The following DNAJC17 variants were observed in gnomAD, a reference collection of about 807,000 sequenced individuals.
DNAJC17 encodes the protein dnaJ homolog subfamily C member 17.
DNAJC17 carries 35 observed loss-of-function variants against 48.1 expected under a neutral mutation model. The ratio of observed to expected loss-of-function variants is 0.73; its 90% CI spans 0.56 to 0.96. The LOEUF (loss-of-function observed/expected upper bound fraction) is 0.96, where lower values mean the gene tolerates loss of function less well. Ranked by LOEUF, DNAJC17 falls within the 50% of genes least tolerant of loss-of-function variation. The pLI, the probability that DNAJC17 is intolerant of heterozygous loss-of-function variation, is 0.00. For missense variants in DNAJC17, 355 were observed against 377.1 expected, an observed-to-expected ratio of 0.94 and a Z score of 0.48; for synonymous variants, 117 against 142.7, an observed-to-expected ratio of 0.82 and a Z score of 1.28.
intron 1 of DNAJC17, among the ~76,000 whole-genome samples, chr15:40,799,836 TTCTC>T (rs1316459859): frequency 6.6e-6 from 1 of 152,042 alleles, no homozygotes; most frequent in African/African-American, 2.4e-5. Context: ...CAACATTTAT[TTCTC>T]TCTCTCTCTT....
chr15:40,789,440 C>T (rs938896587), intron 1 of DNAJC17, among the ~76,000 whole-genome samples: 2 of 152,034 alleles, frequency 1.3e-5, no homozygotes, highest in African/African-American at 4.8e-5. Flanking sequence ...CCTCTTTCTC[C>T]TCCTCAGATA....
At chr15:40,791,585 C>T (rs1342155349) in intron 1 of DNAJC17, among the ~76,000 whole-genome samples, 1 of 152,024 alleles carries the variant, frequency 6.6e-6, no homozygotes, top group Non-Finnish European at 1.5e-5. Flanking sequence ...TGGCTCACAC[C>T]TGTAATCCCA....
intron 1 of DNAJC17, among the ~76,000 whole-genome samples, chr15:40,787,810 G>A (rs1019256957): frequency 4.6e-5 from 7 of 152,026 alleles, no homozygotes; most frequent in African/African-American, 1.7e-4. Flanking sequence ...AGGAACTCCT[G>A]ACTCACCCAA....
Position 40,779,293 on chromosome 15 carries a change from G to A in DNAJC17, c.225C>T (p.Val75=). 6 of 1,614,010 alleles carry A rather than the reference G, an allele frequency of 3.7e-6. No individual in the cohort carries two copies. Among genetic ancestry groups the A allele is most frequent in the Non-Finnish European group, 5.1e-6 (6 of 1,180,026 alleles). The change falls in exon 4 of 11, where the codon GTC becomes GTT. Residue 75 remains valine (V), a synonymous_variant. Coordinates refer to ENST00000220496, the MANE Select transcript of DNAJC17 (RefSeq NM_018163.3). The stretch of plus-strand genomic sequence containing the variant: ...CTGCTGCTTGCTTCTTGGCTTTCCT[G>A]ACCTTGTCATATGCAGCCTGGCAGG... ...DAAARAAYDK[V]RKAKKQAAER... is the part of the protein sequence containing the mutation.
intron 1 of DNAJC17, among the ~76,000 whole-genome samples, chr15:40,794,359 A>C (rs115609440): frequency 2.6e-5 from 4 of 151,936 alleles, no homozygotes; most frequent in Admixed American, 2.0e-4. Context: ...CAGAAAAAAA[A>C]ACAAAAACAA....
intron 2 of DNAJC17, 45 bp from the exon 3 acceptor site, chr15:40,779,648 C>T (rs765985346): frequency 1.9e-6 from 3 of 1,597,100 alleles, no homozygotes; most frequent in Admixed American, 1.7e-5. Flanking sequence ...AAAGTTAAGA[C>T]TTCGTAATGG....
In DNAJC17 at chr15:40,767,872, TAAAA is replaced by T. The variant is rs79217337; in HGVS notation, c.*64_*67del. 4.0e-6 allele frequency: 5 copies of T among 1,243,494 alleles called. No homozygotes were observed. Among genetic ancestry groups the T allele is most frequent in the Non-Finnish European group, 4.4e-6 (4 of 906,496 alleles). The allele number at this position is 1,243,494 out of a possible 1,614,324, so 77.0% of individuals were successfully genotyped here. ...TATGTATGGGATAGAGGTAAAATCT[TAAAA>T]AAAAAAAAAATTTATTGGTGACGTT... On this transcript the variant is annotated 3_prime_UTR_variant, in exon 11 of 11. Coordinates refer to ENST00000220496, the MANE Select transcript of DNAJC17 (RefSeq NM_018163.3).
intron 1 of DNAJC17, among the ~76,000 whole-genome samples, chr15:40,783,998 G>A (rs897489254): frequency 5.3e-5 from 8 of 151,700 alleles, no homozygotes; most frequent in East Asian, 3.9e-4. Context: ...AGGCTGAGGC[G>A]GGCGAATCAG....
At chr15:40,773,133 G>C (rs1889204597) in intron 10 of DNAJC17, among the ~76,000 whole-genome samples, 2 of 152,020 alleles carry the variant, frequency 1.3e-5, no homozygotes, top group Admixed American at 6.6e-5. Flanking sequence ...GCTGATTTTT[G>C]TGTTTTTGTA....
In DNAJC17 at chr15:40,767,707, T is replaced by TAG; in HGVS notation, c.*232_*233insCT. 1.6e-6 allele frequency: 1 copy of TAG among 636,096 alleles called. No homozygotes were observed. Among genetic ancestry groups the TAG allele is most frequent in the Non-Finnish European group, 2.6e-6 (1 of 384,616 alleles). 39.4% of individuals were successfully genotyped at this position (636,096 alleles called of 1,614,324 possible). A position where few individuals can be genotyped will look rare whatever the true frequency, so the allele number is the denominator to read the frequency against. The stretch of plus-strand genomic sequence containing the variant: ...CAAGCCAATAAAGGGCTGTGATGAG[T>TAG]GGCTGCGCCTGTGCTCTGCTTGTGC... On this transcript the variant is annotated 3_prime_UTR_variant, in exon 11 of 11. Coordinates refer to ENST00000220496, the MANE Select transcript of DNAJC17 (RefSeq NM_018163.3).
chr15:40,775,504 G>A (rs768751130), intron 7 of DNAJC17, 49 bp downstream of exon 7: 23 of 1,599,122 alleles, frequency 1.4e-5, no homozygotes, highest in Non-Finnish European at 2.0e-5. Flanking sequence ...TCCTGCTGAG[G>A]GGAGGCGGTG....
Position 40,788,147 on chromosome 15 carries a change from G to A in DNAJC17, c.79-8150C>T, listed in dbSNP as rs554449208. On this transcript the variant is annotated intron_variant, in intron 1 of 10. Coordinates refer to ENST00000220496, the MANE Select transcript of DNAJC17 (RefSeq NM_018163.3). Reference sequence around the variant, plus strand: ...GAGTGATAACAGCTGGGGCAGCCACGTCTCCCCAAGCCCGGAGAGGCAGAT... The same window carrying A: ...GAGTGATAACAGCTGGGGCAGCCACATCTCCCCAAGCCCGGAGAGGCAGAT... Among the ~76,000 whole-genome samples the A allele has an allele frequency of 3.3e-5, 5 of 152,300 alleles. No homozygotes were observed. The East Asian group carries it at 9.7e-4, about 29-fold the overall frequency.
At chr15:40,774,780 T>C (rs1017982421) in intron 8 of DNAJC17, among the ~76,000 whole-genome samples, 1 of 152,210 alleles carries the variant, frequency 6.6e-6, no homozygotes, top group African/African-American at 2.4e-5. Flanking sequence ...ACCAAGCTCT[T>C]TGCTTCTAAG....
chr15:40,784,038 C>T (rs559617129), intron 1 of DNAJC17, among the ~76,000 whole-genome samples: 33 of 151,322 alleles, frequency 2.2e-4, no homozygotes, highest in Non-Finnish European at 1.2e-4. Context: ...ACCAGCCTGG[C>T]CAACGTGGTA....
chr15:40,786,612 G>T (rs1328754251), intron 1 of DNAJC17, among the ~76,000 whole-genome samples: 1 of 152,180 alleles, frequency 6.6e-6, no homozygotes, highest in Non-Finnish European at 1.5e-5. Context: ...TTACCTATAG[G>T]TTTCCCCTAA....
intron 1 of DNAJC17, chr15:40,807,098 T>A (rs2141970057): frequency 1.4e-6 from 1 of 730,756 alleles, no homozygotes; most frequent in South Asian, 1.9e-5. Flanking sequence ...CGTTCCTTGC[T>A]GCCTCGCCCC....
intron 1 of DNAJC17, among the ~76,000 whole-genome samples, chr15:40,783,633 G>C (rs1012087368): frequency 2.6e-5 from 4 of 152,218 alleles, no homozygotes; most frequent in Non-Finnish European, 5.9e-5. Context: ...GGAGGCCGAG[G>C]TGGGTGGATC....
intron 1 of DNAJC17, among the ~76,000 whole-genome samples, chr15:40,803,759 C>T (rs1192540249): frequency 1.4e-5 from 2 of 145,664 alleles, no homozygotes; most frequent in African/African-American, 5.7e-5. Flanking sequence ...ATCTTGCCCC[C>T]CCATTAAAGG....
intron 1 of DNAJC17, among the ~76,000 whole-genome samples, chr15:40,803,827 C>T (rs1051100880): frequency 6.6e-6 from 1 of 152,134 alleles, no homozygotes; most frequent in African/African-American, 2.4e-5. Context: ...CTTATCTCAT[C>T]TGAGTTAGAA....
Sources: gnomAD v4.1 joint callset for allele counts (sites outside exome capture counted in the v4.1 genomes callset) on GRCh38, gnomAD v4.1.1 for gene constraint, MANE v1.5 for transcripts, NCBI Gene and HGNC (gene_info 2026-07-23, HGNC 2026-07-21) for gene names.